Variants in C12orf54 observed in about 807,000 individuals in gnomAD.
The protein encoded by C12orf54 is uncharacterized protein C12orf54.
C12orf54 carries 24 observed loss-of-function variants against 26.4 expected under a neutral mutation model. That is an observed-to-expected ratio of 0.91 (90% confidence interval 0.66 to 1.28). The LOEUF is 1.28. Ranked by LOEUF, C12orf54 falls within the 50% of genes most tolerant of loss-of-function variation. The pLI is 0.00. For missense variants in C12orf54, 154 were observed against 150.9 expected (o/e 1.02, Z -0.11); for synonymous variants, 54 against 47.0 (o/e 1.15, Z -0.61).
chr12:48,454,950 G>A, the C12orf54 span, among the ~76,000 whole-genome samples: 5 of 152,276 alleles, frequency 3.3e-5, no homozygotes, highest in Non-Finnish European at 7.3e-5. Context: ...TTCCTTTTGG[G>A]TTTGTTTTTC....
chr12:48,425,570 T>C, the C12orf54 span, among the ~76,000 whole-genome samples: 3 of 152,082 alleles, frequency 2.0e-5, no homozygotes, highest in Non-Finnish European at 4.4e-5. Flanking sequence ...TAGAATAATT[T>C]CTATTCCTCT....
chr12:48,496,079 G>A (rs980037852), intron 8 of C12orf54, 102 bp from the exon 9 acceptor site: 4 of 152,208 alleles, frequency 2.6e-5, no homozygotes, highest in African/African-American at 4.8e-5. Flanking sequence ...GCGTCACCAC[G>A]AGGACTGCTT....
chr12:48,456,801 T>C, the C12orf54 span, among the ~76,000 whole-genome samples: 1 of 152,186 alleles, frequency 6.6e-6, no homozygotes. Flanking sequence ...ATCAGCTTTT[T>C]TCTTCTTTGG....
At chr12:48,469,366 G>A in the C12orf54 span, among the ~76,000 whole-genome samples, 22 of 152,128 alleles carry the variant, frequency 1.4e-4, 1 homozygote, top group Non-Finnish European at 2.9e-4. Flanking sequence ...AAAGAATTCC[G>A]CGATATTTCC....
At chr12:48,475,538 G>A in the C12orf54 span, among the ~76,000 whole-genome samples, 3 of 152,188 alleles carry the variant, frequency 2.0e-5, no homozygotes, top group Non-Finnish European at 4.4e-5. Context: ...AACCAATGCA[G>A]AGAAGTCATT....
At chr12:48,443,274 G>A in the C12orf54 span, among the ~76,000 whole-genome samples, 10 of 152,142 alleles carry the variant, frequency 6.6e-5, no homozygotes, top group African/African-American at 2.4e-4. Context: ...CTAATAGGGA[G>A]AGATTGAAGG....
the C12orf54 span, among the ~76,000 whole-genome samples, chr12:48,439,040 A>T: frequency 6.6e-6 from 1 of 152,206 alleles, no homozygotes. Context: ...ATCTACAATG[A>T]ACTCAAACAA....
the C12orf54 span, among the ~76,000 whole-genome samples, chr12:48,415,304 C>T: frequency 6.6e-6 from 1 of 152,354 alleles, no homozygotes; most frequent in South Asian, 2.1e-4. Flanking sequence ...CAATCTCCTT[C>T]ACAGGAACAC....
chr12:48,452,265 G>A, the C12orf54 span, among the ~76,000 whole-genome samples: 1 of 152,116 alleles, frequency 6.6e-6, no homozygotes, highest in East Asian at 1.9e-4. Context: ...ATGGTGCTGG[G>A]AGAACTGCCT....
At chr12:48,461,637 G>A in the C12orf54 span, among the ~76,000 whole-genome samples, 2 of 151,674 alleles carry the variant, frequency 1.3e-5, no homozygotes, top group Non-Finnish European at 3.0e-5. Flanking sequence ...ATAATTTAAA[G>A]ATCAAAGAAG....
At chr12:48,493,080 G>A (rs755268831) in intron 7 of C12orf54, 85 bp downstream of exon 7, 4 of 1,226,350 alleles carry the variant, frequency 3.3e-6, no homozygotes, top group Admixed American at 3.5e-5. Context: ...AGCTAGCTCT[G>A]AGCCTTGAGC....
the C12orf54 span, among the ~76,000 whole-genome samples, chr12:48,431,730 T>G: frequency 2.6e-5 from 4 of 152,172 alleles, no homozygotes; most frequent in African/African-American, 9.7e-5. Context: ...TGAAAGCATA[T>G]TATTGATATC....
the C12orf54 span, among the ~76,000 whole-genome samples, chr12:48,432,223 TTA>T: frequency 1.3e-5 from 2 of 152,198 alleles, no homozygotes; most frequent in African/African-American, 4.8e-5. Context: ...TTCAATGAAT[TTA>T]TTTTTTTCCA....
chr12:48,446,010 G>A, the C12orf54 span, among the ~76,000 whole-genome samples: 4 of 152,186 alleles, frequency 2.6e-5, no homozygotes, highest in Non-Finnish European at 4.4e-5. Context: ...AGAATGGCAG[G>A]AAGTAGTAGA....
chr12:48,464,197 G>T, the C12orf54 span, among the ~76,000 whole-genome samples: 1 of 151,920 alleles, frequency 6.6e-6, no homozygotes, highest in Non-Finnish European at 1.5e-5. Context: ...TGGCCCAAAA[G>T]CTCCTTCAGC....
At chr12:48,456,033 TAA>T in the C12orf54 span, among the ~76,000 whole-genome samples, 2 of 152,252 alleles carry the variant, frequency 1.3e-5, no homozygotes, top group Non-Finnish European at 2.9e-5. Flanking sequence ...ACAAAAAGTA[TAA>T]GAGCATATAA....
At chr12:48,447,964 A>T in the C12orf54 span, among the ~76,000 whole-genome samples, 1 of 152,236 alleles carries the variant, frequency 6.6e-6, no homozygotes, top group Admixed American at 6.5e-5. Flanking sequence ...CACAGAATGC[A>T]TGAGAAGTAA....
chr12:48,486,113 T>A, intron 2 of C12orf54, 65 bp from the exon 3 acceptor site: 1 of 1,457,380 alleles, frequency 6.9e-7, no homozygotes, highest in Non-Finnish European at 9.6e-7. Context: ...TAGAATAGAG[T>A]TAGGAGAAGG....
chr12:48,435,045 C>T, the C12orf54 span, among the ~76,000 whole-genome samples: 3 of 152,076 alleles, frequency 2.0e-5, no homozygotes, highest in African/African-American at 4.8e-5. Flanking sequence ...ACTAGAATAA[C>T]CAATGCAGAG....
Sources: gnomAD v4.1 joint callset for allele counts (sites outside exome capture counted in the v4.1 genomes callset) on GRCh38, gnomAD v4.1.1 for gene constraint, MANE v1.5 for transcripts, NCBI Gene and HGNC (gene_info 2026-07-23, HGNC 2026-07-21) for gene names.